Variants in CFAP47 observed in about 807,000 individuals in gnomAD.
CFAP47 encodes cilia and flagella associated protein 47.
A neutral mutation model predicts 148.1 loss-of-function variants in CFAP47; 29 were observed. The observed-to-expected ratio is 0.20, with a 90% confidence interval of 0.15 to 0.27. CFAP47 has a LOEUF of 0.27. Ranked by LOEUF, CFAP47 falls within the 10% of genes least tolerant of loss-of-function variation. The pLI is 1.00. For synonymous variants in CFAP47, 664 were observed against 577.3 expected (o/e 1.15, Z -2.15); for missense variants, 1,872 against 1,697.5 (o/e 1.10, Z -1.81).
In CFAP47 at chrX:35,970,781, A is replaced by G. The variant is rs1936477512; in HGVS notation, c.1828A>G (p.Lys610Glu). ...HHKHFRPIFT[K>E]VPRFNYVNHD... ...CTTATATTGCAGGCCAATTTTCACA[A>G]AAGTTCCAAGATTTAACTATGTGAA... The change falls in exon 11 of 64, where the codon AAA becomes GAA. Residue 610 changes from lysine to glutamate, a missense_variant. Transcript: ENST00000378653. The G allele has an allele frequency of 2.6e-6, 3 of 1,170,005 alleles. No individual in the cohort carries two copies. Among genetic ancestry groups the G allele is most frequent in the Non-Finnish European group, 2.3e-6 (2 of 877,350 alleles).
At chrX:36,259,205 G>A (rs1368526409) in intron 49 of CFAP47, among the ~76,000 whole-genome samples, 1 of 110,963 alleles carries the variant, frequency 9.0e-6, no homozygotes, top group South Asian at 3.8e-4. Flanking sequence ...TCATTTAGGG[G>A]CATAATTTGC....
At chrX:36,027,266 G>C (rs948211028) in intron 22 of CFAP47, among the ~76,000 whole-genome samples, 1 of 107,987 alleles carries the variant, frequency 9.3e-6, no homozygotes, top group Non-Finnish European at 1.9e-5. Flanking sequence ...TGAAGTCTAG[G>C]CTTTAAGGGT....
At chrX:35,984,683 G>A (rs188416990) in intron 15 of CFAP47, among the ~76,000 whole-genome samples, 1 of 111,739 alleles carries the variant, frequency 8.9e-6, no homozygotes, top group African/African-American at 3.2e-5. Flanking sequence ...AGAAATTTTT[G>A]ATTTCTCCTT....
At position 36,016,960 on chromosome X, in the gene CFAP47, G is replaced by A. The variant is rs548890080; in HGVS notation, c.3556+2048G>A. 5.6e-4 allele frequency among the ~76,000 whole-genome samples: 62 copies of A among 110,461 alleles called. No individual in the cohort carries two copies. In the South Asian group the frequency reaches 0.024, roughly 42 times the overall value. On this transcript the variant is annotated intron_variant, in intron 22 of 63. Coordinates refer to ENST00000378653, the MANE Select transcript of CFAP47 (RefSeq NM_001304548.2). ...ATTTTCATGTGTCTGTTTGCCATTT[G>A]TATGTTTTCTTCTGAGAAATGTCTA...
At chrX:35,930,717 A>G (rs1403900528) in intron 2 of CFAP47, among the ~76,000 whole-genome samples, 1 of 111,664 alleles carries the variant, frequency 9.0e-6, no homozygotes, top group African/African-American at 3.3e-5. Flanking sequence ...TGTCAAATTT[A>G]TGATTTTAGA....
At position 35,949,653 on chromosome X, in the gene CFAP47, A is replaced by G. The variant is rs749629036; in HGVS notation, c.656+1201A>G. 2.7e-5 allele frequency among the ~76,000 whole-genome samples: 3 copies of G among 112,021 alleles called. No individual in the cohort carries two copies. In the East Asian group the frequency reaches 8.4e-4, roughly 31 times the overall value. On this transcript the variant is annotated intron_variant, in intron 4 of 63. Coordinates refer to ENST00000378653, the MANE Select transcript of CFAP47 (RefSeq NM_001304548.2). ...GGAGCTGGCTGCAGCTTATTAAATT[A>G]TCTTGAGTCCCAGAAAGAAATTTGA...
At chrX:35,989,495 T>C in intron 16 of CFAP47, 46 bp downstream of exon 16, 1 of 1,210,802 alleles carries the variant, frequency 8.3e-7, no homozygotes. Context: ...GGGCTATGAA[T>C]TTGTTGGGTA....
intron 36 of CFAP47, among the ~76,000 whole-genome samples, chrX:36,145,992 A>G (rs1939227808): frequency 9.0e-6 from 1 of 111,088 alleles, no homozygotes; most frequent in South Asian, 3.7e-4. Context: ...CTGAGGTTCA[A>G]TCTCTTTTAT....
rs961029105 is a variant in CFAP47, at chrX:36,019,376, C to G, written c.3556+4464C>G. Among the ~76,000 whole-genome samples, 5 of 111,851 alleles carry G rather than the reference C, an allele frequency of 4.5e-5. No individual in the cohort carries two copies. In the East Asian group the frequency reaches 1.4e-3, roughly 32 times the overall value. ...CGATTTGCAGGTAATAAACTTCTGC[C>G]GACCTCCTCCCCCGAGTAGGAGGCA... On this transcript the variant is annotated intron_variant, in intron 22 of 63. Coordinates refer to ENST00000378653, the MANE Select transcript of CFAP47 (RefSeq NM_001304548.2).
chrX:36,067,340 T>C (rs1015776615), intron 27 of CFAP47, among the ~76,000 whole-genome samples: 1 of 111,399 alleles, frequency 9.0e-6, no homozygotes, highest in Non-Finnish European at 1.9e-5. Flanking sequence ...AAGTCATCTC[T>C]CTGACATTTT....
chrX:36,147,349 G>A (rs1203611934), intron 36 of CFAP47, among the ~76,000 whole-genome samples: 1 of 112,031 alleles, frequency 8.9e-6, no homozygotes, highest in East Asian at 2.8e-4. Flanking sequence ...TGGTATGACT[G>A]TCTGACCACA....
intron 26 of CFAP47, among the ~76,000 whole-genome samples, chrX:36,049,486 T>A (rs866592955): frequency 1.5e-5 from 1 of 64,554 alleles, no homozygotes; most frequent in Non-Finnish European, 2.6e-5. Context: ...TATTTCTCTC[T>A]CTCACACACA....
chrX:36,130,105 A>G (rs1426831539), intron 33 of CFAP47, among the ~76,000 whole-genome samples: 2 of 111,396 alleles, frequency 1.8e-5, no homozygotes, highest in Non-Finnish European at 3.8e-5. Context: ...CTGCACAGTA[A>G]TGGATACAAT....
chrX:36,171,126 C>T (rs1939570501), intron 39 of CFAP47, among the ~76,000 whole-genome samples: 1 of 109,515 alleles, frequency 9.1e-6, no homozygotes, highest in Non-Finnish European at 1.9e-5. Context: ...TGTCCTTTGC[C>T]CACTTTTTGA....
intron 26 of CFAP47, among the ~76,000 whole-genome samples, chrX:36,055,526 A>T (rs1224562840): frequency 1.8e-5 from 2 of 112,057 alleles, no homozygotes; most frequent in Non-Finnish European, 3.8e-5. Flanking sequence ...GCTGCATAGT[A>T]TTCCATGGTG....
chrX:36,084,526 C>A (rs957951282), intron 29 of CFAP47, among the ~76,000 whole-genome samples: 3 of 111,752 alleles, frequency 2.7e-5, no homozygotes, highest in Non-Finnish European at 5.7e-5. Flanking sequence ...AAGTGGGTAA[C>A]TGCCATTCAA....
chrX:36,093,252 C>T (rs1938216468), intron 30 of CFAP47, among the ~76,000 whole-genome samples: 1 of 110,941 alleles, frequency 9.0e-6, no homozygotes, highest in Non-Finnish European at 1.9e-5. Context: ...ATATTGATTT[C>T]GTTTCTTTTG....
At chrX:36,249,076 A>G (rs782656836) in intron 48 of CFAP47, among the ~76,000 whole-genome samples, 1 of 108,429 alleles carries the variant, frequency 9.2e-6, no homozygotes, top group South Asian at 3.7e-4. Context: ...TACCTGTAGT[A>G]AAAAAAGAAG....
At chrX:35,952,017 A>ACCAC in intron 6 of CFAP47, 54 bp downstream of exon 6, 5 of 1,089,477 alleles carry the variant, frequency 4.6e-6, no homozygotes, top group Non-Finnish European at 6.0e-6. Context: ...AAGTATATTA[A>ACCAC]CCACACTTTA....
Sources: gnomAD v4.1 joint callset for allele counts (sites outside exome capture counted in the v4.1 genomes callset) on GRCh38, gnomAD v4.1.1 for gene constraint, MANE v1.5 for transcripts, NCBI Gene and HGNC (gene_info 2026-07-23, HGNC 2026-07-21) for gene names.